NKAIN2: variants seen among roughly 807,000 people sequenced by gnomAD.
NKAIN2 encodes sodium/potassium-transporting ATPase subunit beta-1-interacting protein 2.
In NKAIN2, 14 loss-of-function variants were observed where a neutral mutation model predicts 32.6. The ratio of observed to expected loss-of-function variants is 0.43; its 90% CI spans 0.28 to 0.67. The LOEUF is 0.67. Ranked by LOEUF, NKAIN2 falls within the 30% of genes least tolerant of loss-of-function variation. The pLI is 0.17. For synonymous variants in NKAIN2, 80 were observed against 87.2 expected, an observed-to-expected ratio of 0.92 and a Z score of 0.46; for missense variants, 198 against 258.3, an observed-to-expected ratio of 0.77 and a Z score of 1.60.
At chr6:124,770,007 C>T (rs913132421) in intron 4 of NKAIN2, among the ~76,000 whole-genome samples, 2 of 152,156 alleles carry the variant, frequency 1.3e-5, no homozygotes, top group Non-Finnish European at 2.9e-5. Flanking sequence ...AACTTGGTTT[C>T]AGGCAGGTAG....
At chr6:124,207,993 T>G (rs948594907) in intron 1 of NKAIN2, among the ~76,000 whole-genome samples, 2 of 151,946 alleles carry the variant, frequency 1.3e-5, no homozygotes, top group Admixed American at 1.3e-4. Flanking sequence ...TCTGGCTACT[T>G]GCTTTTGAAG....
rs557922121 is a variant in NKAIN2, at chr6:124,306,886, A to G, written c.192+23744A>G. 9.2e-5 allele frequency among the ~76,000 whole-genome samples: 14 copies of G among 152,296 alleles called. No homozygotes were observed. The East Asian group carries it at 2.7e-3, about 29-fold the overall frequency. ...CTAAACAATATTAAGGCACAATACA[A>G]TCAGCCAATATTTGCTAACCTTTCA... On this transcript the variant is annotated intron_variant, in intron 2 of 6. Coordinates refer to ENST00000368417, the MANE Select transcript of NKAIN2 (RefSeq NM_001040214.3).
At chr6:124,513,812 T>A (rs1460536869) in intron 3 of NKAIN2, among the ~76,000 whole-genome samples, 4 of 152,200 alleles carry the variant, frequency 2.6e-5, no homozygotes, top group Non-Finnish European at 4.4e-5. Context: ...TAAGCAGTGC[T>A]AATTCTATAT....
At chr6:123,880,600 C>T (rs540350342) in intron 1 of NKAIN2, among the ~76,000 whole-genome samples, 1 of 152,190 alleles carries the variant, frequency 6.6e-6, no homozygotes, top group South Asian at 2.1e-4. Flanking sequence ...TAGTTTGGGC[C>T]TTAATGTATT....
intron 4 of NKAIN2, among the ~76,000 whole-genome samples, chr6:124,757,137 T>G (rs1301556095): frequency 6.6e-6 from 1 of 152,188 alleles, no homozygotes; most frequent in African/African-American, 2.4e-5. Context: ...GCAACTCTGC[T>G]GCTATTAAAC....
Position 124,175,920 on chromosome 6 carries a change from T to A in NKAIN2, c.55-107085T>A, listed in dbSNP as rs1789133896. 1.3e-5 allele frequency among the ~76,000 whole-genome samples: 2 copies of A among 152,300 alleles called. 1 individual carries two copies. The highest frequency in any genetic ancestry group is 3.9e-4 in the East Asian group (2 of 5,178). ...TCATCACATGTGTAGATTTATGTTA[T>A]TGTAATCTGCTTTTTACATTTTTTT... On this transcript the variant is annotated intron_variant, in intron 1 of 6. Transcript: ENST00000368417.
At chr6:124,135,321 G>A (rs1786704562) in intron 1 of NKAIN2, among the ~76,000 whole-genome samples, 1 of 151,632 alleles carries the variant, frequency 6.6e-6, no homozygotes, top group Non-Finnish European at 1.5e-5. Context: ...CCACTTAAAA[G>A]ATACAGAACG....
intron 1 of NKAIN2, among the ~76,000 whole-genome samples, chr6:124,067,713 C>T (rs1020521680): frequency 6.6e-6 from 1 of 152,118 alleles, no homozygotes; most frequent in Non-Finnish European, 1.5e-5. Flanking sequence ...CCCCTGGTTT[C>T]AAATCTTCAT....
chr6:124,486,184 GT>G lies in NKAIN2; in HGVS notation c.273+130843del, dbSNP rs1355559445. Among the ~76,000 whole-genome samples, 6 of 152,078 alleles carry G rather than the reference GT, an allele frequency of 3.9e-5. No individual in the cohort carries two copies. The East Asian group carries it at 9.7e-4, about 25-fold the overall frequency. On this transcript the variant is annotated intron_variant, in intron 3 of 6. Transcript: ENST00000368417. ...GAATGAAACATAAGGAGAATGCTGT[GT>G]TTTTTCTAAAACTCTTGTTGGCTGA...
chr6:124,163,122 A>G (rs1019229330), intron 1 of NKAIN2, among the ~76,000 whole-genome samples: 4 of 152,078 alleles, frequency 2.6e-5, no homozygotes, highest in Admixed American at 2.6e-4. Flanking sequence ...AGTATCACAT[A>G]GTTGATATTC....
At chr6:124,654,008 C>T (rs912958736) in intron 3 of NKAIN2, among the ~76,000 whole-genome samples, 3 of 151,924 alleles carry the variant, frequency 2.0e-5, no homozygotes, top group African/African-American at 7.2e-5. Context: ...TTCATACAAC[C>T]AAATTTTAGA....
intron 3 of NKAIN2, among the ~76,000 whole-genome samples, chr6:124,596,691 T>A (rs1782104742): frequency 6.7e-6 from 1 of 150,336 alleles, no homozygotes; most frequent in African/African-American, 2.5e-5. Flanking sequence ...TGTGTGTGTG[T>A]GTGTGTGTGT....
At chr6:124,005,421 TTC>T (rs142679889) in intron 1 of NKAIN2, among the ~76,000 whole-genome samples, 2 of 152,122 alleles carry the variant, frequency 1.3e-5, no homozygotes, top group Non-Finnish European at 2.9e-5. Context: ...GTTAATACAT[TTC>T]TCTCTGTTTA....
intron 3 of NKAIN2, among the ~76,000 whole-genome samples, chr6:124,418,348 C>T (rs1479607804): frequency 6.6e-6 from 1 of 151,898 alleles, no homozygotes; most frequent in Non-Finnish European, 1.5e-5. Context: ...TGTTGTATGA[C>T]ATAGGTCGGG....
At chr6:123,959,845 C>CT (rs1470905147) in intron 1 of NKAIN2, among the ~76,000 whole-genome samples, 2 of 150,398 alleles carry the variant, frequency 1.3e-5, no homozygotes, top group African/African-American at 4.9e-5. Flanking sequence ...GCATTTGTTA[C>CT]TTTTTTTCGG....
At chr6:124,470,538 A>G (rs1280040998) in intron 3 of NKAIN2, among the ~76,000 whole-genome samples, 1 of 152,112 alleles carries the variant, frequency 6.6e-6, no homozygotes, top group Non-Finnish European at 1.5e-5. Context: ...AATTAGGTGA[A>G]TGTATTGAAC....
intron 1 of NKAIN2, among the ~76,000 whole-genome samples, chr6:123,899,835 G>A (rs144735323): frequency 4.6e-4 from 69 of 151,358 alleles, no homozygotes; most frequent in African/African-American, 1.6e-3. Context: ...ACACACACAG[G>A]GTGCAGCCCT....
chr6:123,955,050 G>A (rs1455264686), intron 1 of NKAIN2, among the ~76,000 whole-genome samples: 1 of 151,936 alleles, frequency 6.6e-6, no homozygotes, highest in Non-Finnish European at 1.5e-5. Flanking sequence ...AGGGATAAAG[G>A]AGAGAGATAA....
At position 124,477,508 on chromosome 6, in the gene NKAIN2, G is replaced by A. The variant is rs550536176; in HGVS notation, c.273+122161G>A. ...CCTTTTGCAAGGCTGCATATAATCTGTCTGCCTGGATCTACCTGTTTGGTG... is the reference window on the plus strand; with the variant it reads ...CCTTTTGCAAGGCTGCATATAATCTATCTGCCTGGATCTACCTGTTTGGTG... On this transcript the variant is annotated intron_variant, in intron 3 of 6. Transcript: ENST00000368417. Among the ~76,000 whole-genome samples the A allele has an allele frequency of 2.3e-3, 356 of 152,196 alleles. 7 individuals are homozygous for A. In the South Asian group the frequency reaches 0.031, roughly 13 times the overall value.
Sources: gnomAD v4.1 joint callset for allele counts (sites outside exome capture counted in the v4.1 genomes callset) on GRCh38, gnomAD v4.1.1 for gene constraint, MANE v1.5 for transcripts, NCBI Gene and HGNC (gene_info 2026-07-23, HGNC 2026-07-21) for gene names.